Variants in SEPTIN9 observed in about 807,000 individuals in gnomAD.
SEPTIN9 encodes the protein septin 9, also known as septin-9.
In SEPTIN9, 13 loss-of-function variants were observed where a neutral mutation model predicts 56.6. That is an observed-to-expected ratio of 0.23 (90% CI 0.15 to 0.37). SEPTIN9 has a LOEUF of 0.37. Among genes scored for constraint, SEPTIN9 ranks in the 10% least tolerant of loss-of-function variants. The pLI is 1.00. For missense variants in SEPTIN9, 650 were observed against 823.1 expected (o/e 0.79, Z 2.57); for synonymous variants, 332 against 334.1 (o/e 0.99, Z 0.07).
At chr17:77,359,073 A>C (rs1233582614) in intron 2 of SEPTIN9, among the ~76,000 whole-genome samples, 1 of 152,156 alleles carries the variant, frequency 6.6e-6, no homozygotes, top group Non-Finnish European at 1.5e-5. Context: ...GGGAGAGGGG[A>C]AAGGGCAAGT....
chr17:77,487,655 G>T lies in SEPTIN9; in HGVS notation c.1042+103G>T. 3 of 881,406 alleles carry T rather than the reference G, an allele frequency of 3.4e-6. 1 individual carries two copies. The highest frequency in any genetic ancestry group is 4.7e-6 in the Non-Finnish European group (3 of 636,838). The allele number at this position is 881,406 out of a possible 1,614,324, so 54.6% of individuals were successfully genotyped here. ...CACACACAGTCAGTGGCCAGGGGCG[G>T]GCTGGGGGTGCAGGACTCCTCTGCC... On this transcript the variant is annotated intron_variant, in intron 5 of 11. Transcript: ENST00000427177. The surrounding 1 kb of genome is among the most constrained non-coding windows in gnomAD (Gnocchi z 4.3).
intron 3 of SEPTIN9, among the ~76,000 whole-genome samples, chr17:77,473,567 GTGTC>G (rs1051267094): frequency 2.0e-5 from 3 of 152,076 alleles, no homozygotes; most frequent in African/African-American, 7.2e-5. Context: ...AAATACGTGT[GTGTC>G]TGTCTGTCTG....
chr17:77,467,468 TG>T (rs1452982845), intron 3 of SEPTIN9, among the ~76,000 whole-genome samples: 1 of 151,282 alleles, frequency 6.6e-6, no homozygotes, highest in Non-Finnish European at 1.5e-5. Context: ...GGGAAGAGGG[TG>T]GGGATTAGGG....
At position 77,499,380 on chromosome 17, in the gene SEPTIN9, C is replaced by G. The variant is rs534021072; in HGVS notation, c.*722C>G. 1.8e-6 allele frequency: 1 copy of G among 555,678 alleles called. No homozygotes were observed. Among genetic ancestry groups the G allele is most frequent in the East Asian group, 3.7e-5 (1 of 26,938 alleles). 34.4% of individuals were successfully genotyped at this position (555,678 alleles called of 1,614,324 possible). ...TCATCTCCCTGCCATCCCCCTCTCA[C>G]GCCACCCCCGCCCCCACCGGGCTGC... On this transcript the variant is annotated 3_prime_UTR_variant, in exon 12 of 12. Transcript: ENST00000427177.
Position 77,429,002 on chromosome 17 carries a change from G to C in SEPTIN9, c.721+26299G>C, listed in dbSNP as rs117459177. ...GTATAATAAGTGGTAAGCCGTCAGA[G>C]GAGGCAGCCGGTGAGAATGGGAGCA... On this transcript the variant is annotated intron_variant, in intron 3 of 11. Transcript: ENST00000427177. This position sits in a 1 kb window ranked among gnomAD's most constrained non-coding sequence, Gnocchi z 5.2. 2.1e-6 allele frequency: 1 copy of C among 471,316 alleles called. No homozygotes were observed. The allele number at this position is 471,316 out of a possible 1,614,324, so 29.2% of individuals were successfully genotyped here.
rs764275269 is a variant in SEPTIN9, at chr17:77,475,473, G to A, written c.722-6671G>A. On this transcript the variant is annotated intron_variant, in intron 3 of 11. Coordinates refer to ENST00000427177, the MANE Select transcript of SEPTIN9 (RefSeq NM_001113491.2). This position sits in a 1 kb window ranked among gnomAD's most constrained non-coding sequence, Gnocchi z 4.6. ...ACTCAGCTTTAAGAAGCCCCTTTGT[G>A]GGGGACAGGGAGCATCTGTTAGTTT... The A allele has an allele frequency of 1.3e-6, 2 of 1,577,082 alleles. No homozygotes were observed. Among genetic ancestry groups the A allele is most frequent in the South Asian group, 2.3e-5 (2 of 85,820 alleles).
intron 3 of SEPTIN9, among the ~76,000 whole-genome samples, chr17:77,443,485 C>G (rs950361079): frequency 2.6e-5 from 4 of 152,022 alleles, no homozygotes. Flanking sequence ...GATAGCTTTT[C>G]AAGAAGGATA....
At position 77,500,207 on chromosome 17, in the gene SEPTIN9, G is replaced by A. The variant is rs774941870; in HGVS notation, c.*1549G>A. ...GTGCATGGAAGTTGGGGCACTGGGC[G>A]TCTGACTCCCTCCCCACCCAAGAGA... On this transcript the variant is annotated 3_prime_UTR_variant, in exon 12 of 12. Coordinates refer to ENST00000427177, the MANE Select transcript of SEPTIN9 (RefSeq NM_001113491.2). 8.2e-5 allele frequency: 19 copies of A among 232,570 alleles called. No homozygotes were observed. Among genetic ancestry groups the A allele is most frequent in the Non-Finnish European group, 1.1e-4 (13 of 117,398 alleles). The allele number at this position is 232,570 out of a possible 1,614,324, so 14.4% of individuals were successfully genotyped here.
chr17:77,455,022 C>T (rs994550508), intron 3 of SEPTIN9, among the ~76,000 whole-genome samples: 2 of 151,352 alleles, frequency 1.3e-5, no homozygotes, highest in Non-Finnish European at 1.5e-5. Flanking sequence ...CCTGGCCGGC[C>T]GGCCTAAACG....
At position 77,498,704 on chromosome 17, in the gene SEPTIN9, G is replaced by T. The variant is rs778316759; in HGVS notation, c.*46G>T. The T allele has an allele frequency of 5.1e-5, 58 of 1,134,078 alleles. 1 individual carries two copies. The South Asian group carries it at 7.5e-4, about 15-fold the overall frequency. The allele number at this position is 1,134,078 out of a possible 1,614,324, so 70.3% of individuals were successfully genotyped here. On this transcript the variant is annotated 3_prime_UTR_variant, in exon 12 of 12. Coordinates refer to ENST00000427177, the MANE Select transcript of SEPTIN9 (RefSeq NM_001113491.2). ...GGGATCCTGCCCCCAAGTCATTTCC[G>T]TCCCCCCCCAGGCCCTCCCACCACC...
chr17:77,495,280 T>G (rs1448145043), intron 10 of SEPTIN9, among the ~76,000 whole-genome samples: 1 of 152,316 alleles, frequency 6.6e-6, no homozygotes, highest in East Asian at 1.9e-4. Context: ...TGTGAGGTGG[T>G]GGGGCCCACT....
At chr17:77,382,089 G>A (rs533626454) in intron 2 of SEPTIN9, among the ~76,000 whole-genome samples, 42 of 152,044 alleles carry the variant, frequency 2.8e-4, no homozygotes, top group Admixed American at 2.4e-3. Flanking sequence ...GTGCAGTGGC[G>A]TGATCTCGGC....
rs2143105525 is a variant in SEPTIN9 at position 77,475,483 on chromosome 17, G to A, written c.722-6661G>A. The A allele has an allele frequency of 6.3e-7, 1 of 1,593,440 alleles. No individual in the cohort carries two copies. The highest frequency in any genetic ancestry group is 2.2e-5 in the East Asian group (1 of 44,662). ...AAGAAGCCCCTTTGTGGGGGACAGG[G>A]AGCATCTGTTAGTTTATAGGACCTG... is the stretch of plus-strand genomic sequence containing the variant. On this transcript the variant is annotated intron_variant, in intron 3 of 11. Transcript: ENST00000427177. The surrounding 1 kb of genome is among the most constrained non-coding windows in gnomAD (Gnocchi z 4.6).
intron 3 of SEPTIN9, among the ~76,000 whole-genome samples, chr17:77,468,001 C>G (rs2038824213): frequency 6.6e-6 from 1 of 152,092 alleles, no homozygotes; most frequent in Non-Finnish European, 1.5e-5. Context: ...CGTGGTGTCT[C>G]AAGCCTGTAA....
At chr17:77,444,796 C>T in intron 3 of SEPTIN9, 1 of 249,966 alleles carries the variant, frequency 4.0e-6, no homozygotes, top group Non-Finnish European at 8.1e-6. Context: ...GACGGGCGGA[C>T]ACCAGATGGC....
In SEPTIN9 at chr17:77,323,188, G is replaced by A. The variant is rs576090917; in HGVS notation, c.76+15991G>A. Among the ~76,000 whole-genome samples, 2 of 152,268 alleles carry A rather than the reference G, an allele frequency of 1.3e-5. No individual in the cohort carries two copies. The highest frequency in any genetic ancestry group is 2.1e-4 in the South Asian group (1 of 4,824). ...CCTGGGTACTCTCCCGCCCTCCCTG[G>A]GGGCTGTGGCCTTCCCCTGGGAAGG... On this transcript the variant is annotated intron_variant, in intron 2 of 11. Transcript: ENST00000427177. The surrounding 1 kb of genome is among the most constrained non-coding windows in gnomAD (Gnocchi z 6.8).
intron 2 of SEPTIN9, among the ~76,000 whole-genome samples, chr17:77,356,087 G>A (rs2034227397): frequency 6.6e-6 from 1 of 152,028 alleles, no homozygotes; most frequent in Non-Finnish European, 1.5e-5. Context: ...CTCTAGACCC[G>A]GACATAAACG....
At chr17:77,376,564 A>G in intron 2 of SEPTIN9, 3 of 199,820 alleles carry the variant, frequency 1.5e-5, no homozygotes, top group Non-Finnish European at 2.7e-5. Flanking sequence ...GAGCCACGGC[A>G]TCTCTGGGGG....
chr17:77,309,996 T>G (rs1567986227), intron 2 of SEPTIN9, among the ~76,000 whole-genome samples: 1 of 151,680 alleles, frequency 6.6e-6, no homozygotes, highest in Non-Finnish European at 1.5e-5. Context: ...TTTTTTTTTT[T>G]GAGATAGAGT....
Sources: gnomAD v4.1 joint callset for allele counts (sites outside exome capture counted in the v4.1 genomes callset) on GRCh38, gnomAD v4.1.1 for gene constraint, Gnocchi (gnomAD v3.1) non-coding constraint, MANE v1.5 for transcripts, NCBI Gene and HGNC (gene_info 2026-07-23, HGNC 2026-07-21) for gene names.